Variants in DOCK7 observed in about 807,000 individuals in gnomAD.
The protein encoded by DOCK7 is dedicator of cytokinesis protein 7.
DOCK7 carries 138 observed loss-of-function variants against 271.0 expected under a neutral mutation model. That is an observed-to-expected ratio of 0.51 (90% CI 0.44 to 0.59). The LOEUF (loss-of-function observed/expected upper bound fraction) is 0.59, where lower values mean the gene tolerates loss of function less well. Among genes scored for constraint, DOCK7 ranks in the 20% least tolerant of loss-of-function variants. The pLI is 0.00. For synonymous variants in DOCK7, 823 were observed against 876.1 expected (o/e 0.94, Z 1.07); for missense variants, 2,066 against 2,592.4 (o/e 0.80, Z 4.41).
chr1:62,510,541 C>G, intron 34 of DOCK7, 36 bp downstream of exon 34: 1 of 1,491,546 alleles, frequency 6.7e-7, no homozygotes, highest in Non-Finnish European at 9.2e-7. Context: ...AAATTCAACA[C>G]ACCCATCAGT....
chr1:62,649,280 G>C (rs1450057881), intron 4 of DOCK7, among the ~76,000 whole-genome samples: 1 of 152,138 alleles, frequency 6.6e-6, no homozygotes, highest in African/African-American at 2.4e-5. Flanking sequence ...ATGTTCACAA[G>C]ATGGTATAGT....
intron 11 of DOCK7, chr1:62,628,012 C>T (rs1026918696): frequency 3.3e-5 from 5 of 152,166 alleles, no homozygotes; most frequent in Admixed American, 6.5e-5. Flanking sequence ...GGTATAGCAG[C>T]GGTCCCCAAC....
intron 24 of DOCK7, 82 bp from the exon 25 acceptor site, chr1:62,542,785 A>C: frequency 1.5e-6 from 2 of 1,346,282 alleles, no homozygotes; most frequent in Non-Finnish European, 2.1e-6. Flanking sequence ...AATACAAACG[A>C]AGATATAATG....
At chr1:62,687,812 G>A (rs1245348389) in intron 1 of DOCK7, among the ~76,000 whole-genome samples, 1 of 152,190 alleles carries the variant, frequency 6.6e-6, no homozygotes, top group African/African-American at 2.4e-5. Context: ...GGGGCCAAGA[G>A]GGGTGGGCGG....
At chr1:62,561,991 CATATATGTACAT>C (rs1222550018) in intron 18 of DOCK7, among the ~76,000 whole-genome samples, 11 of 151,272 alleles carry the variant, frequency 7.3e-5, no homozygotes, top group African/African-American at 1.7e-4. Flanking sequence ...CATATATGTA[CATATATGTACAT>C]ATATATGTAC....
chr1:62,531,694 T>C (rs186626705), intron 29 of DOCK7, among the ~76,000 whole-genome samples: 145 of 152,338 alleles, frequency 9.5e-4, no homozygotes, highest in Non-Finnish European at 1.8e-3. Context: ...GTAGCAAGCA[T>C]GTGGATTAAA....
At chr1:62,681,390 TGGGGGGA>T (rs1296873155) in intron 1 of DOCK7, among the ~76,000 whole-genome samples, 13 of 56,030 alleles carry the variant, frequency 2.3e-4, no homozygotes, top group East Asian at 6.7e-4. Flanking sequence ...TGTCGTGGGG[TGGGGGGA>T]GGGGGGAGGG....
At chr1:62,513,928 G>T in intron 31 of DOCK7, 30 bp from the exon 32 acceptor site, 6 of 1,570,340 alleles carry the variant, frequency 3.8e-6, no homozygotes, top group Non-Finnish European at 5.2e-6. Flanking sequence ...GAATGAGACA[G>T]ATTGATCAAA....
intron 23 of DOCK7, among the ~76,000 whole-genome samples, chr1:62,544,532 T>C (rs971517482): frequency 8.5e-5 from 13 of 152,124 alleles, no homozygotes; most frequent in Non-Finnish European, 1.2e-4. Context: ...AATAACAAGA[T>C]AGTAAATGTT....
intron 2 of DOCK7, 88 bp downstream of exon 2, chr1:62,662,937 C>G (rs557777002): frequency 2.0e-6 from 2 of 1,007,966 alleles, no homozygotes; most frequent in Admixed American, 4.3e-5. Flanking sequence ...AATGACGGAA[C>G]CCAATTAGCT....
At position 62,475,681 on chromosome 1, in the gene DOCK7, T is replaced by C. The variant is rs748781464; in HGVS notation, c.5961+26A>G. 1.3e-5 allele frequency: 21 copies of C among 1,596,850 alleles called. 1 individual carries two copies. Among genetic ancestry groups the C allele is most frequent in the Non-Finnish European group, 1.4e-5 (16 of 1,165,228 alleles). On this transcript the variant is annotated intron_variant, in intron 46 of 49. Coordinates refer to ENST00000635253, the MANE Select transcript of DOCK7 (RefSeq NM_001367561.1). The stretch of plus-strand genomic sequence containing the variant: ...GGCTTGAATGTATTTGCTTCACTAA[T>C]GCTGTTTGCCCATTAATGGACTTAC...
intron 10 of DOCK7, 25 bp from the exon 11 acceptor site, chr1:62,631,430 A>C: frequency 1.3e-6 from 2 of 1,548,136 alleles, no homozygotes; most frequent in Non-Finnish European, 1.7e-6. Flanking sequence ...TTTATACATT[A>C]TATGATTATA....
At chr1:62,537,155 G>A (rs1645371351) in intron 28 of DOCK7, among the ~76,000 whole-genome samples, 1 of 152,070 alleles carries the variant, frequency 6.6e-6, no homozygotes, top group Admixed American at 6.5e-5. Flanking sequence ...AACACATCTT[G>A]CATTTGAAAC....
At chr1:62,489,103 T>C (rs778790899) in intron 41 of DOCK7, 38 bp from the exon 42 acceptor site, 13 of 1,515,752 alleles carry the variant, frequency 8.6e-6, no homozygotes, top group South Asian at 1.3e-5. Flanking sequence ...TGCTTTCTTT[T>C]ACATCAATAA....
intron 25 of DOCK7, 133 bp downstream of exon 25, chr1:62,542,475 A>G: frequency 1.3e-6 from 1 of 755,658 alleles, no homozygotes; most frequent in Admixed American, 3.0e-5. Context: ...AACACATGTA[A>G]TTTTGTCTTA....
chr1:62,480,142 C>T (rs1646078403), intron 43 of DOCK7, among the ~76,000 whole-genome samples: 1 of 152,136 alleles, frequency 6.6e-6, no homozygotes, highest in African/African-American at 2.4e-5. Flanking sequence ...ACAGTAATTT[C>T]TACTCTGTTG....
At chr1:62,656,030 C>T (rs1657980985) in intron 2 of DOCK7, among the ~76,000 whole-genome samples, 1 of 152,120 alleles carries the variant, frequency 6.6e-6, no homozygotes, top group East Asian at 1.9e-4. Flanking sequence ...CCTTACCTAT[C>T]TTATTAAGTA....
chr1:62,575,222 A>C (rs891935639), intron 18 of DOCK7, among the ~76,000 whole-genome samples: 1 of 152,176 alleles, frequency 6.6e-6, no homozygotes, highest in Non-Finnish European at 1.5e-5. Context: ...ATGAAAAAGC[A>C]AAAATGTCAG....
At chr1:62,466,383 CCTTA>C (rs1287747463) in intron 48 of DOCK7, among the ~76,000 whole-genome samples, 2 of 151,980 alleles carry the variant, frequency 1.3e-5, no homozygotes, top group African/African-American at 4.8e-5. Flanking sequence ...TCAAGACTGC[CCTTA>C]CTTACAAAGC....
Sources: gnomAD v4.1 joint callset for allele counts (sites outside exome capture counted in the v4.1 genomes callset) on GRCh38, gnomAD v4.1.1 for gene constraint, MANE v1.5 for transcripts, NCBI Gene and HGNC (gene_info 2026-07-23, HGNC 2026-07-21) for gene names.